DPYSL3: variants seen among roughly 807,000 people sequenced by gnomAD.
DPYSL3 encodes the protein dihydropyrimidinase-related protein 3.
In DPYSL3, 16 loss-of-function variants were observed where a neutral mutation model predicts 66.1. The ratio of observed to expected loss-of-function variants is 0.24; its 90% CI spans 0.16 to 0.37. The LOEUF is 0.37. Ranked by LOEUF, DPYSL3 falls within the 10% of genes least tolerant of loss-of-function variation. The pLI is 1.00. For missense variants in DPYSL3, 738 were observed against 916.2 expected, an observed-to-expected ratio of 0.81 and a Z score of 2.51; for synonymous variants, 338 against 345.1, an observed-to-expected ratio of 0.98 and a Z score of 0.23.
At chr5:147,451,148 G>A (rs556873321) in intron 1 of DPYSL3, among the ~76,000 whole-genome samples, 1 of 152,276 alleles carries the variant, frequency 6.6e-6, no homozygotes, top group African/African-American at 2.4e-5. Flanking sequence ...CAAAAACGAA[G>A]CATGAGAAAA....
chr5:147,509,699 C>T lies in DPYSL3; in HGVS notation c.160G>A (p.Ala54Thr). Residue 54 changes from alanine (A) to threonine (T), a missense_variant, in exon 1 of 14, where the codon GCC becomes ACC. Coordinates refer to ENST00000343218, the MANE Select transcript of DPYSL3 (RefSeq NM_001197294.2). The surrounding 1 kb of genome is among the most constrained non-coding windows in gnomAD (Gnocchi z 5.3). ...GCGCCCCGCTGCCCCACGCTGAGGG[C>T]ATCGAAATCCAGCGTCTTGCTCTCG... Reference protein sequence around the residue: ...AFESKTLDFDALSVGQRGAKT... With the variant: ...AFESKTLDFDTLSVGQRGAKT... 6.5e-7 allele frequency: 1 copy of T among 1,535,972 alleles called. No individual in the cohort carries two copies. Among genetic ancestry groups the T allele is most frequent in the Non-Finnish European group, 8.7e-7 (1 of 1,146,802 alleles).
intron 2 of DPYSL3, among the ~76,000 whole-genome samples, chr5:147,423,971 G>A (rs933464966): frequency 1.3e-5 from 2 of 152,110 alleles, no homozygotes; most frequent in African/African-American, 4.8e-5. Context: ...GTCCGCCTCG[G>A]CCTCCCAAAG....
At chr5:147,474,342 G>A (rs905691168) in intron 1 of DPYSL3, among the ~76,000 whole-genome samples, 4 of 152,162 alleles carry the variant, frequency 2.6e-5, no homozygotes, top group African/African-American at 9.6e-5. Flanking sequence ...AGAGGAAAAT[G>A]TCTTTTCATG....
intron 1 of DPYSL3, among the ~76,000 whole-genome samples, chr5:147,438,916 C>G (rs1752468488): frequency 6.6e-6 from 1 of 152,204 alleles, no homozygotes; most frequent in South Asian, 2.1e-4. Flanking sequence ...TTTCATTTAT[C>G]ATTCCATTCA....
At chr5:147,502,400 CAT>C (rs1491538470) in intron 1 of DPYSL3, among the ~76,000 whole-genome samples, 9 of 145,040 alleles carry the variant, frequency 6.2e-5, no homozygotes, top group Non-Finnish European at 4.6e-5. Context: ...CACACACACA[CAT>C]ATACACACAG....
At chr5:147,395,021 G>A (rs909706937) in intron 13 of DPYSL3, among the ~76,000 whole-genome samples, 14 of 152,134 alleles carry the variant, frequency 9.2e-5, no homozygotes, top group Non-Finnish European at 1.3e-4. Context: ...CAGAGAGTTC[G>A]TAAAGAATAG....
In DPYSL3 at chr5:147,400,708, A is replaced by G. The variant is rs924697047; in HGVS notation, c.1436T>C (p.Ile479Thr). 11 of 1,613,948 alleles carry G rather than the reference A, an allele frequency of 6.8e-6. No homozygotes were observed. Among genetic ancestry groups the G allele is most frequent in the African/African-American group, 2.7e-5 (2 of 74,944 alleles). ...TNGVEERMSV[I>T]WDKAVATGKM... ...ATGCCTTACCACAGCCTTGTCCCAG[A>G]TGACAGACATCCGCTCCTCCACACC... The change falls in exon 10 of 14, where the codon ATC becomes ACC. Residue 479 changes from isoleucine (I) to threonine (T), a missense_variant. Coordinates refer to ENST00000343218, the MANE Select transcript of DPYSL3 (RefSeq NM_001197294.2).
chr5:147,411,861 G>C (rs113417235), intron 6 of DPYSL3, among the ~76,000 whole-genome samples: 1 of 152,188 alleles, frequency 6.6e-6, no homozygotes, highest in African/African-American at 2.4e-5. Flanking sequence ...AATACTCTTT[G>C]AAGGAATGAA....
At chr5:147,403,446 A>T (rs1389637443) in intron 8 of DPYSL3, among the ~76,000 whole-genome samples, 1 of 152,170 alleles carries the variant, frequency 6.6e-6, no homozygotes, top group Non-Finnish European at 1.5e-5. Flanking sequence ...TTTGAATACC[A>T]GCTCTCCCAG....
chr5:147,406,913 G>A (rs1252597922), intron 7 of DPYSL3, among the ~76,000 whole-genome samples: 2 of 152,166 alleles, frequency 1.3e-5, no homozygotes, highest in African/African-American at 4.8e-5. Context: ...AACTTGGCTG[G>A]CTGAGCTGGC....
rs751901290 is a variant in DPYSL3 at position 147,412,701 on chromosome 5, T to C, written c.883-13A>G. The C allele has an allele frequency of 9.3e-6, 15 of 1,605,610 alleles. No homozygotes were observed. Among genetic ancestry groups the C allele is most frequent in the Non-Finnish European group, 1.3e-5 (15 of 1,175,202 alleles). ...AGATCTCATAGAGCTGAAATAGAAA[T>C]GAGTCTTTGTCACTCTTGCAAGCAC... On this transcript the variant is annotated splice_polypyrimidine_tract_variant and intron_variant, in intron 5 of 13. Coordinates refer to ENST00000343218, the MANE Select transcript of DPYSL3 (RefSeq NM_001197294.2).
At chr5:147,432,555 C>T (rs1467126061) in intron 1 of DPYSL3, among the ~76,000 whole-genome samples, 7 of 152,190 alleles carry the variant, frequency 4.6e-5, no homozygotes, top group Non-Finnish European at 7.3e-5. Flanking sequence ...TCTTCAACAG[C>T]GTTCCAGACA....
intron 4 of DPYSL3, 24 bp downstream of exon 4, chr5:147,415,685 G>T: frequency 2.5e-6 from 4 of 1,608,886 alleles, no homozygotes; most frequent in Non-Finnish European, 3.4e-6. Flanking sequence ...AAGAGAGGAG[G>T]GAGGACGGCA....
chr5:147,471,117 T>C (rs1214019977), intron 1 of DPYSL3, among the ~76,000 whole-genome samples: 2 of 152,184 alleles, frequency 1.3e-5, no homozygotes, highest in African/African-American at 4.8e-5. Flanking sequence ...CATGCATACA[T>C]ACATACATAA....
At chr5:147,400,500 AG>A (rs1003334080) in intron 10 of DPYSL3, among the ~76,000 whole-genome samples, 191 bp downstream of exon 10, 1 of 152,228 alleles carries the variant, frequency 6.6e-6, no homozygotes, top group African/African-American at 2.4e-5. Flanking sequence ...TCAGAATGCT[AG>A]GCCTTAGGAT....
intron 1 of DPYSL3, among the ~76,000 whole-genome samples, chr5:147,501,369 A>G (rs1216336637): frequency 2.0e-5 from 3 of 152,040 alleles, no homozygotes; most frequent in Non-Finnish European, 1.5e-5. Flanking sequence ...ACTAATTCCT[A>G]TAAGATATTA....
chr5:147,505,232 C>T (rs1753669945), intron 1 of DPYSL3, among the ~76,000 whole-genome samples: 1 of 152,056 alleles, frequency 6.6e-6, no homozygotes, highest in Non-Finnish European at 1.5e-5. Context: ...GAATTTGACA[C>T]TCAGAGACGT....
At chr5:147,434,523 G>C (rs1408054091) in intron 1 of DPYSL3, among the ~76,000 whole-genome samples, 1 of 152,134 alleles carries the variant, frequency 6.6e-6, no homozygotes, top group Non-Finnish European at 1.5e-5. Context: ...TTCAACCTAA[G>C]TCTTTATTCT....
chr5:147,422,184 G>C (rs1318109616), intron 2 of DPYSL3, among the ~76,000 whole-genome samples: 1 of 152,028 alleles, frequency 6.6e-6, no homozygotes, highest in Non-Finnish European at 1.5e-5. Flanking sequence ...CAAAAAAATG[G>C]GCAAAGGATA....
Sources: allele counts gnomAD v4.1 joint callset (sites outside exome capture counted in the v4.1 genomes callset), GRCh38; gene constraint gnomAD v4.1.1; non-coding constraint Gnocchi (gnomAD v3.1); transcripts MANE v1.5; gene names NCBI Gene and HGNC (gene_info 2026-07-23, HGNC 2026-07-21).